Variants in THRAP3 observed in about 807,000 individuals in gnomAD.
THRAP3 encodes the protein thyroid hormone receptor associated protein 3, also known as thyroid hormone receptor-associated protein 3.
A neutral mutation model predicts 101.0 loss-of-function variants in THRAP3; 16 were observed. That is an observed-to-expected ratio of 0.16 (90% CI 0.11 to 0.24). THRAP3 has a LOEUF of 0.24. Ranked by LOEUF, THRAP3 falls within the 10% of genes least tolerant of loss-of-function variation. The pLI is 1.00. For missense variants in THRAP3, 989 were observed against 1,202.7 expected, an observed-to-expected ratio of 0.82 and a Z score of 2.63; for synonymous variants, 407 against 422.6, an observed-to-expected ratio of 0.96 and a Z score of 0.45.
intron 1 of THRAP3, among the ~76,000 whole-genome samples, chr1:36,230,228 C>T (rs999857811): frequency 4.6e-5 from 7 of 151,952 alleles, no homozygotes; most frequent in Admixed American, 2.0e-4. Context: ...AAGCGATTCT[C>T]CTGCCTCAGC....
intron 1 of THRAP3, among the ~76,000 whole-genome samples, chr1:36,240,710 A>G (rs1459075364): frequency 6.6e-6 from 1 of 152,202 alleles, no homozygotes; most frequent in Non-Finnish European, 1.5e-5. Context: ...TATAGGTATC[A>G]AAATAATCCT....
chr1:36,227,106 A>G (rs1264138833), intron 1 of THRAP3, among the ~76,000 whole-genome samples: 1 of 152,068 alleles, frequency 6.6e-6, no homozygotes, highest in Non-Finnish European at 1.5e-5. Flanking sequence ...GATGGGAAGA[A>G]TTTAGTGTGC....
chr1:36,248,233 T>A (rs1645255176), intron 1 of THRAP3, among the ~76,000 whole-genome samples: 1 of 152,150 alleles, frequency 6.6e-6, no homozygotes, highest in Non-Finnish European at 1.5e-5. Flanking sequence ...GGCCTTCATT[T>A]TTGTTCATCT....
chr1:36,296,415 T>A (rs969254551), intron 8 of THRAP3, among the ~76,000 whole-genome samples, 168 bp from the exon 9 acceptor site: 1 of 152,084 alleles, frequency 6.6e-6, no homozygotes, highest in African/African-American at 2.4e-5. Flanking sequence ...CCTTATGGAG[T>A]AACTTCTGTG....
chr1:36,222,971 G>A (rs1016941603), upstream of THRAP3, among the ~76,000 whole-genome samples: 4 of 152,012 alleles, frequency 2.6e-5, no homozygotes, highest in Admixed American at 1.3e-4. Flanking sequence ...TCCACAAAAA[G>A]TAGAAAAATT....
At chr1:36,275,602 A>AAAAAAG (rs1553122394) in intron 2 of THRAP3, among the ~76,000 whole-genome samples, 11 of 126,982 alleles carry the variant, frequency 8.7e-5, no homozygotes, top group East Asian at 2.4e-4. Context: ...AAAAAAAAAA[A>AAAAAAG]AAGTCTTCTT....
In THRAP3 at chr1:36,287,260, T is replaced by C. The variant is rs1466444433; in HGVS notation, c.1030T>C (p.Tyr344His). 2 of 1,599,600 alleles carry C rather than the reference T, an allele frequency of 1.3e-6. No individual in the cohort carries two copies. Among genetic ancestry groups the C allele is most frequent in the East Asian group, 2.2e-5 (1 of 44,698 alleles). ...EESAASGGAA[Y>H]TKRYLEEQKT... ...GAGTGCTGCTTCAGGAGGAGCAGCC[T>C]ATACAAAGAGGCAAGTATCTCATTT... The change falls in exon 4 of 12, where the codon TAT becomes CAT. Residue 344 changes from tyrosine to histidine, a missense_variant. Coordinates refer to ENST00000354618, the MANE Select transcript of THRAP3 (RefSeq NM_005119.4).
intron 1 of THRAP3, among the ~76,000 whole-genome samples, chr1:36,244,034 CT>C (rs2124420505): frequency 7.0e-6 from 1 of 143,688 alleles, no homozygotes; most frequent in Admixed American, 6.8e-5. Flanking sequence ...ACCCCCCCAC[CT>C]CCCTCCCGGA....
At chr1:36,272,490 T>G (rs1170192209) in intron 2 of THRAP3, among the ~76,000 whole-genome samples, 1 of 152,172 alleles carries the variant, frequency 6.6e-6, no homozygotes, top group Admixed American at 6.5e-5. Flanking sequence ...TCTGTGTCTT[T>G]TACTCAGGAG....
At chr1:36,299,804 CG>C (rs1191478382) in intron 9 of THRAP3, among the ~76,000 whole-genome samples, 1 of 152,170 alleles carries the variant, frequency 6.6e-6, no homozygotes, top group African/African-American at 2.4e-5. Flanking sequence ...CCACTACGCC[CG>C]GCCAGAGACT....
intron 2 of THRAP3, among the ~76,000 whole-genome samples, chr1:36,265,303 A>G (rs1386107416): frequency 6.6e-6 from 1 of 152,180 alleles, no homozygotes; most frequent in Admixed American, 6.6e-5. Flanking sequence ...AAGAGAAGCA[A>G]CTTGGAAAAG....
At chr1:36,244,051 CGG>C (rs1645202168) in intron 1 of THRAP3, among the ~76,000 whole-genome samples, 1 of 149,928 alleles carries the variant, frequency 6.7e-6, no homozygotes, top group East Asian at 2.0e-4. Context: ...CCGGACGGGG[CGG>C]CTGGCCGGGC....
intron 1 of THRAP3, among the ~76,000 whole-genome samples, chr1:36,231,825 T>G (rs915533205): frequency 1.3e-5 from 2 of 152,178 alleles, no homozygotes; most frequent in Admixed American, 1.3e-4. Context: ...ACTAATTCCT[T>G]TGGCTTGAAA....
rs998506412 is a variant in THRAP3, at chr1:36,292,719, A to G, written c.2030+10A>G. 1.3e-6 allele frequency: 2 copies of G among 1,588,458 alleles called. No individual in the cohort carries two copies. Among genetic ancestry groups the G allele is most frequent in the Non-Finnish European group, 1.7e-6 (2 of 1,160,914 alleles). ...GCCCAGAGATACACAGGTAAGGACC[A>G]TGGCCTTATACTGGAGGTTGTAATA... On this transcript the variant is annotated intron_variant, in intron 7 of 11. Transcript: ENST00000354618.
chr1:36,240,225 A>G (rs756384150), intron 1 of THRAP3, among the ~76,000 whole-genome samples: 25 of 152,122 alleles, frequency 1.6e-4, no homozygotes, highest in Non-Finnish European at 3.2e-4. Flanking sequence ...GGGGAAAGAG[A>G]GAAGCTGGTC....
intron 1 of THRAP3, among the ~76,000 whole-genome samples, chr1:36,234,907 C>T (rs371652861): frequency 1.3e-5 from 2 of 150,720 alleles, no homozygotes; most frequent in East Asian, 3.9e-4. Flanking sequence ...CTCTGCCTCC[C>T]GGTTCAAGCA....
chr1:36,279,873 T>A (rs1645709440), intron 2 of THRAP3, among the ~76,000 whole-genome samples: 1 of 152,266 alleles, frequency 6.6e-6, no homozygotes, highest in Non-Finnish European at 1.5e-5. Context: ...GTCACCTTTA[T>A]CAGATTGTAA....
intron 1 of THRAP3, among the ~76,000 whole-genome samples, chr1:36,256,320 G>A (rs1394199546): frequency 6.6e-6 from 1 of 151,760 alleles, no homozygotes; most frequent in Non-Finnish European, 1.5e-5. Flanking sequence ...CTGCCTCCTG[G>A]GTTCACGCCA....
At chr1:36,268,489 T>C (rs575841989) in intron 2 of THRAP3, among the ~76,000 whole-genome samples, 9 of 152,254 alleles carry the variant, frequency 5.9e-5, no homozygotes, top group South Asian at 2.1e-4. Context: ...CTTCAGAGGT[T>C]ATTTTGGGGG....
Sources: gnomAD v4.1 joint callset for allele counts (sites outside exome capture counted in the v4.1 genomes callset) on GRCh38, gnomAD v4.1.1 for gene constraint, MANE v1.5 for transcripts, NCBI Gene and HGNC (gene_info 2026-07-23, HGNC 2026-07-21) for gene names.